The following RELA variants were observed in gnomAD, a reference collection of about 807,000 sequenced individuals.
RELA encodes transcription factor p65.
Under a neutral mutation model 56.7 loss-of-function variants are expected in RELA, and 14 were observed. The ratio of observed to expected loss-of-function variants is 0.25; its 90% CI spans 0.16 to 0.39. The LOEUF is 0.39. RELA is among the 10% of genes least tolerant of loss of function. The pLI, the probability that RELA is intolerant of heterozygous loss-of-function variation, is 1.00. For missense variants in RELA, 559 were observed against 736.4 expected (o/e 0.76, Z 2.79); for synonymous variants, 315 against 289.7 (o/e 1.09, Z -0.89).
rs118019315 is a variant in RELA, at chr11:65,660,280, G to A, written c.336-65C>T. 6.7e-3 allele frequency: 9,957 copies of A among 1,479,528 alleles called. 65 individuals are homozygous for A. The highest frequency in any genetic ancestry group is 8.0e-3 in the Non-Finnish European group (8,459 of 1,059,764). 91.7% of individuals were successfully genotyped at this position (1,479,528 alleles called of 1,614,324 possible). On this transcript the variant is annotated intron_variant, in intron 4 of 10. Coordinates refer to ENST00000406246, the MANE Select transcript of RELA (RefSeq NM_021975.4). ...AGCCCAGACCTTCCTGCCTTGCCCA[G>A]CCTGCTCCTTCCTACTCTGCCCACC...
Position 65,661,800 on chromosome 11 carries a change from G to A in RELA, c.222C>T (p.Ile74=). The change falls in exon 4 of 11, where the codon ATC becomes ATT. Residue 74 remains isoleucine (I), a synonymous_variant. Transcript: ENST00000406246. Reference sequence around the variant, plus strand: ...GAGGAGGGTCCTTGGTGACCAGGGAGATGCGCACTGTCCCTGGTCCTGTGT... The same window carrying A: ...GAGGAGGGTCCTTGGTGACCAGGGAAATGCGCACTGTCCCTGGTCCTGTGT... ...NGYTGPGTVR[I]SLVTKDPPHR... is the part of the protein sequence containing the mutation. 3 of 1,613,752 alleles carry A rather than the reference G, an allele frequency of 1.9e-6. No individual in the cohort carries two copies. Among genetic ancestry groups the A allele is most frequent in the Non-Finnish European group, 2.5e-6 (3 of 1,179,822 alleles).
intron 10 of RELA, 150 bp from the exon 11 acceptor site, chr11:65,655,150 C>A (rs1856390690): frequency 1.0e-5 from 7 of 671,706 alleles, no homozygotes; most frequent in Middle Eastern, 3.5e-4. Flanking sequence ...CTTACCCCAT[C>A]TGACCCAGCC....
chr11:65,660,256 G>A (rs372517252), intron 4 of RELA, 41 bp from the exon 5 acceptor site: 2 of 1,589,862 alleles, frequency 1.3e-6, no homozygotes, highest in African/African-American at 1.3e-5. Flanking sequence ...CTCTCACAGA[G>A]CCCAGACCTT....
chr11:65,662,979 C>T (rs992250280), upstream of RELA: 5 of 560,786 alleles, frequency 8.9e-6, no homozygotes, highest in African/African-American at 1.0e-4. Flanking sequence ...CGCTGCCCCG[C>T]CGCCGCCCGG....
intron 8 of RELA, among the ~76,000 whole-genome samples, chr11:65,656,568 A>C (rs1190134202): frequency 6.6e-6 from 1 of 151,482 alleles, no homozygotes; most frequent in African/African-American, 2.4e-5. Flanking sequence ...CTTTTCTCTC[A>C]CTCCCCGCCA....
intron 1 of RELA, 34 bp from the exon 2 acceptor site, chr11:65,662,239 C>T: frequency 6.6e-7 from 1 of 1,515,726 alleles, no homozygotes; most frequent in Non-Finnish European, 8.8e-7. Flanking sequence ...TCAGCACACA[C>T]CCAATGCCCA....
chr11:65,660,474 C>T, intron 4 of RELA: 1 of 542,122 alleles, frequency 1.8e-6, no homozygotes, highest in South Asian at 2.3e-5. Context: ...TCTCTAAACA[C>T]AGGACACTCA....
intron 4 of RELA, 36 bp from the exon 5 acceptor site, chr11:65,660,251 A>T (rs867364011): frequency 6.2e-7 from 1 of 1,601,472 alleles, no homozygotes; most frequent in South Asian, 1.1e-5. Flanking sequence ...ACTGTCTCTC[A>T]CAGAGCCCAG....
chr11:65,655,959 G>C (rs1345645775), intron 8 of RELA, 24 bp from the exon 9 acceptor site: 5 of 1,607,188 alleles, frequency 3.1e-6, no homozygotes, highest in Middle Eastern at 1.7e-4. Context: ...GGGGAGAAGT[G>C]GGACTTGCTC....
chr11:65,660,956 A>C (rs1254949276), intron 4 of RELA, among the ~76,000 whole-genome samples: 4 of 150,778 alleles, frequency 2.7e-5, no homozygotes. Flanking sequence ...GGAGAATGGC[A>C]TGAACCCGGA....
rs1189824817 is a variant in RELA at position 65,655,898 on chromosome 11, T to C, written c.915A>G (p.Thr305=). Residue 305 remains threonine, a synonymous_variant, in exon 9 of 11, where the codon ACA becomes ACG. Transcript: ENST00000406246. ...RHRIEEKRKR[T]YETFKSIMKK... Reference sequence around the variant, plus strand: ...TCATGATGCTCTTGAAGGTCTCATATGTCCTTTTACGTTTCTCCTCAATCC... The same window carrying C: ...TCATGATGCTCTTGAAGGTCTCATACGTCCTTTTACGTTTCTCCTCAATCC... The C allele has an allele frequency of 3.9e-5, 63 of 1,614,070 alleles. No individual in the cohort carries two copies. Among genetic ancestry groups the C allele is most frequent in the Non-Finnish European group, 5.1e-5 (60 of 1,180,036 alleles).
chr11:65,655,141 T>C (rs1856390208), intron 10 of RELA, 141 bp from the exon 11 acceptor site: 1 of 702,960 alleles, frequency 1.4e-6, no homozygotes, highest in Non-Finnish European at 2.5e-6. Context: ...CTCCTTCCTC[T>C]TACCCCATCT....
chr11:65,658,217 C>T lies in RELA; in HGVS notation c.877+70G>A. 1 of 1,200,166 alleles carries T rather than the reference C, an allele frequency of 8.3e-7. No individual in the cohort carries two copies. Among genetic ancestry groups the T allele is most frequent in the Non-Finnish European group, 1.2e-6 (1 of 854,696 alleles). The allele number at this position is 1,200,166 out of a possible 1,614,324, so 74.3% of individuals were successfully genotyped here. ...TCTGGCCCTCAACCACAGCCCCAGACATGCAGTCTTGGCCTCTCTCTCACG... is the reference window on the plus strand; with the variant it reads ...TCTGGCCCTCAACCACAGCCCCAGATATGCAGTCTTGGCCTCTCTCTCACG... On this transcript the variant is annotated intron_variant, in intron 8 of 10. Transcript: ENST00000406246. This position sits in a 1 kb window ranked among gnomAD's most constrained non-coding sequence, Gnocchi z 4.5.
Position 65,658,281 on chromosome 11 carries a change from G to C in RELA, c.877+6C>G, listed in dbSNP as rs2135559597. On this transcript the variant is annotated splice_donor_region_variant and intron_variant, in intron 8 of 10. Transcript: ENST00000406246. The surrounding 1 kb of genome is among the most constrained non-coding windows in gnomAD (Gnocchi z 4.5). Reference sequence around the variant, plus strand: ...CTGCCCTGATGCTGCCACCCCAGCTGTGTACCTGTATCTGGCAGGTACTGG... The same window carrying C: ...CTGCCCTGATGCTGCCACCCCAGCTCTGTACCTGTATCTGGCAGGTACTGG... 1.3e-6 allele frequency: 2 copies of C among 1,579,376 alleles called. No homozygotes were observed. The highest frequency in any genetic ancestry group is 1.9e-5 in the Admixed American group (1 of 53,616).
rs1856533858 is a variant in RELA at position 65,660,390 on chromosome 11, G to A, written c.336-175C>T. On this transcript the variant is annotated intron_variant, in intron 4 of 10. Coordinates refer to ENST00000406246, the MANE Select transcript of RELA (RefSeq NM_021975.4). Reference sequence around the variant, plus strand: ...CCCTGTCCCTTCACTCAGCTGACAAGCACCTCCGTGCCCCTGCCCCTGCCA... The same window carrying A: ...CCCTGTCCCTTCACTCAGCTGACAAACACCTCCGTGCCCCTGCCCCTGCCA... 6.4e-6 allele frequency: 4 copies of A among 625,916 alleles called. No individual in the cohort carries two copies. The East Asian group carries it at 1.1e-4, about 17-fold the overall frequency. 38.8% of individuals were successfully genotyped at this position (625,916 alleles called of 1,614,324 possible).
Position 65,658,510 on chromosome 11 carries a change from T to C in RELA, c.665-11A>G, listed in dbSNP as rs554976800. 3.0e-5 allele frequency: 47 copies of C among 1,591,136 alleles called. 1 individual carries two copies. In the South Asian group the frequency reaches 4.8e-4, roughly 16 times the overall value. On this transcript the variant is annotated splice_polypyrimidine_tract_variant and intron_variant, in intron 7 of 10. Transcript: ENST00000406246. This position sits in a 1 kb window ranked among gnomAD's most constrained non-coding sequence, Gnocchi z 4.5. ...ACACCTCAATGTCCTCTGCAGGAGATGCGGTGGCAGTGTGGGTCAGTGTGT... is the reference window on the plus strand; with the variant it reads ...ACACCTCAATGTCCTCTGCAGGAGACGCGGTGGCAGTGTGGGTCAGTGTGT...
At position 65,654,955 on chromosome 11, in the gene RELA, T is replaced by C. The variant is rs1302055993; in HGVS notation, c.1079A>G (p.Tyr360Cys). The C allele has an allele frequency of 3.7e-6, 6 of 1,604,950 alleles. No homozygotes were observed. Among genetic ancestry groups the C allele is most frequent in the Admixed American group, 1.7e-5 (1 of 58,200 alleles). ...PFTSSLSTIN[Y>C]DEFPTMVFPS... ...AAACACCATGGTGGGAAACTCATCA[T>C]AGTTGATGGTGCTCAGGGATGACGT... The change falls in exon 11 of 11, where the codon TAT (tyrosine) becomes TGT (cysteine). Residue 360 changes from tyrosine (Y) to cysteine (C), a missense_variant. Physicochemically the swap from Tyr to Cys is radical, Grantham distance 194. Transcript: ENST00000406246.
At chr11:65,661,330 A>G (rs920497688) in intron 4 of RELA, 4 of 199,088 alleles carry the variant, frequency 2.0e-5, no homozygotes, top group Non-Finnish European at 3.0e-5. Flanking sequence ...CCCGGCCTGT[A>G]TATTTTTTTA....
At chr11:65,661,592 G>T in intron 4 of RELA, 95 bp downstream of exon 4, 2 of 1,225,096 alleles carry the variant, frequency 1.6e-6, no homozygotes, top group Non-Finnish European at 2.3e-6. Flanking sequence ...GAGGAATTCT[G>T]CCCTGGGTCC....
Sources: allele counts gnomAD v4.1 joint callset (sites outside exome capture counted in the v4.1 genomes callset), GRCh38; gene constraint gnomAD v4.1.1; non-coding constraint Gnocchi (gnomAD v3.1); transcripts MANE v1.5; gene names NCBI Gene and HGNC (gene_info 2026-07-23, HGNC 2026-07-21).